Variants in SRGAP2C observed in about 807,000 individuals in gnomAD.
SRGAP2C encodes SLIT-ROBO Rho GTPase-activating protein 2C.
SRGAP2C carries 15 observed loss-of-function variants against 25.1 expected under a neutral mutation model. The ratio of observed to expected loss-of-function variants is 0.60; its 90% CI spans 0.40 to 0.92. SRGAP2C has a LOEUF of 0.92. Among genes scored for constraint, SRGAP2C ranks in the 40% least tolerant of loss-of-function variants. The pLI, the probability that SRGAP2C is intolerant of heterozygous loss-of-function variation, is 0.00. For synonymous variants in SRGAP2C, 44 were observed against 96.6 expected (o/e 0.46, Z 3.19); for missense variants, 144 against 264.4 (o/e 0.54, Z 3.16).
chr1:121,207,860 T>C (rs1364637129), intron 2 of SRGAP2C, among the ~76,000 whole-genome samples: 3 of 152,240 alleles, frequency 2.0e-5, no homozygotes, highest in East Asian at 3.9e-4. Flanking sequence ...TCCTCCTTTA[T>C]AAATTCTTTC....
chr1:121,222,747 C>CA (rs1326708864), intron 2 of SRGAP2C, among the ~76,000 whole-genome samples: 2 of 152,314 alleles, frequency 1.3e-5, no homozygotes, highest in East Asian at 3.9e-4. Flanking sequence ...CACCTACCAT[C>CA]AGACGGGAGT....
intron 2 of SRGAP2C, among the ~76,000 whole-genome samples, chr1:121,274,122 T>C (rs1439841794): frequency 6.7e-6 from 1 of 148,246 alleles, no homozygotes; most frequent in African/African-American, 2.5e-5. Context: ...TCCATAGTTA[T>C]TGACACTTTT....
chr1:121,383,088 G>A (rs1300715656), intron 8 of SRGAP2C, among the ~76,000 whole-genome samples, 163 bp downstream of exon 8: 1 of 146,854 alleles, frequency 6.8e-6, no homozygotes, highest in Non-Finnish European at 1.5e-5. Context: ...GTTAGTGAGT[G>A]CCTGCTGTCA....
intron 3 of SRGAP2C, among the ~76,000 whole-genome samples, chr1:121,306,191 G>T (rs1657832842): frequency 6.8e-6 from 1 of 147,566 alleles, no homozygotes; most frequent in Non-Finnish European, 1.5e-5. Flanking sequence ...ATCACTGGGG[G>T]GTGCACAATT....
chr1:121,202,420 C>T (rs1655007050), intron 2 of SRGAP2C, among the ~76,000 whole-genome samples: 1 of 146,742 alleles, frequency 6.8e-6, no homozygotes, highest in Non-Finnish European at 1.5e-5. Flanking sequence ...TTAGCACCTA[C>T]TGTATGTTGT....
At chr1:121,335,027 T>TCACACCTGTAATCC (rs1451602637) in intron 4 of SRGAP2C, among the ~76,000 whole-genome samples, 1 of 138,408 alleles carries the variant, frequency 7.2e-6, no homozygotes, top group Admixed American at 7.5e-5. Flanking sequence ...GCATGGTGGC[T>TCACACCTGTAATCC]CACACCTGTA....
chr1:121,224,684 C>T (rs2101455463), intron 2 of SRGAP2C, among the ~76,000 whole-genome samples: 1 of 139,858 alleles, frequency 7.2e-6, no homozygotes, highest in South Asian at 2.4e-4. Context: ...CCAGCTACTC[C>T]TGTGTCACTC....
chr1:121,202,048 C>A (rs1654997000), intron 2 of SRGAP2C, among the ~76,000 whole-genome samples: 1 of 152,188 alleles, frequency 6.6e-6, no homozygotes. Flanking sequence ...GTCAGCTAAC[C>A]TTTAAAATCC....
At chr1:121,236,541 C>A (rs1487528352) in intron 2 of SRGAP2C, among the ~76,000 whole-genome samples, 2 of 152,010 alleles carry the variant, frequency 1.3e-5, no homozygotes, top group East Asian at 3.9e-4. Context: ...TCCTTTGGGC[C>A]CTGTGTTCTA....
At chr1:121,254,074 A>T (rs1268985633) in intron 2 of SRGAP2C, among the ~76,000 whole-genome samples, 2 of 147,732 alleles carry the variant, frequency 1.4e-5, no homozygotes, top group Non-Finnish European at 3.0e-5. Context: ...CACCATGCCC[A>T]GCTAATTTTT....
At chr1:121,211,415 A>T (rs587756128) in intron 2 of SRGAP2C, among the ~76,000 whole-genome samples, 1 of 115,050 alleles carries the variant, frequency 8.7e-6, no homozygotes, top group South Asian at 2.9e-4. Flanking sequence ...ATATATACAC[A>T]TACACACACA....
intron 2 of SRGAP2C, among the ~76,000 whole-genome samples, chr1:121,283,353 CA>C (rs1657291783): frequency 6.9e-6 from 1 of 145,392 alleles, no homozygotes; most frequent in Admixed American, 7.0e-5. Context: ...AAAACAGAAA[CA>C]AAAATGTAGA....
chr1:121,291,087 G>A (rs1553337559), intron 3 of SRGAP2C, among the ~76,000 whole-genome samples: 2 of 137,112 alleles, frequency 1.5e-5, no homozygotes, highest in Non-Finnish European at 3.2e-5. Flanking sequence ...AAGGTTTTGG[G>A]GTAATCTACA....
intron 2 of SRGAP2C, among the ~76,000 whole-genome samples, chr1:121,195,783 C>T (rs1322938701): frequency 6.8e-6 from 1 of 147,048 alleles, no homozygotes; most frequent in Non-Finnish European, 1.5e-5. Flanking sequence ...TTACCACTTA[C>T]TAAGCATTAT....
rs587595418 is a variant in SRGAP2C, at chr1:121,375,811, A to C, written c.831+857A>C. On this transcript the variant is annotated intron_variant, in intron 7 of 9. Transcript: ENST00000367123. The stretch of plus-strand genomic sequence containing the variant: ...GTAAGCATTGCTGTCTCCAGTTGCT[A>C]GATAAGGAAGCTCAAGGTCCAGAGG... Among the ~76,000 whole-genome samples, 25 of 152,014 alleles carry C rather than the reference A, an allele frequency of 1.6e-4. No homozygotes were observed. In the South Asian group the frequency reaches 3.4e-3, roughly 20 times the overall value.
At chr1:121,211,364 G>C (rs1655247904) in intron 2 of SRGAP2C, among the ~76,000 whole-genome samples, 1 of 147,320 alleles carries the variant, frequency 6.8e-6, no homozygotes, top group African/African-American at 2.5e-5. Flanking sequence ...ACAACAGGCA[G>C]TTGCAGCAGT....
At chr1:121,272,824 C>A (rs1553335492) in intron 2 of SRGAP2C, among the ~76,000 whole-genome samples, 3 of 151,784 alleles carry the variant, frequency 2.0e-5, no homozygotes, top group Admixed American at 1.3e-4. Context: ...CCTCAGTGGT[C>A]CCTCTTTGTG....
chr1:121,291,131 G>T (rs1245217074), intron 3 of SRGAP2C, among the ~76,000 whole-genome samples: 7 of 131,404 alleles, frequency 5.3e-5, no homozygotes, highest in South Asian at 4.7e-4. Context: ...AAAAGTGGGG[G>T]GAGTGGAAAG....
chr1:121,370,410 A>T, intron 5 of SRGAP2C, among the ~76,000 whole-genome samples: 1 of 138,946 alleles, frequency 7.2e-6, no homozygotes, highest in South Asian at 2.4e-4. Context: ...GGGAGAGGGG[A>T]TCTTGGGGCC....
Sources: gnomAD v4.1 joint callset for allele counts (sites outside exome capture counted in the v4.1 genomes callset) on GRCh38, gnomAD v4.1.1 for gene constraint, MANE v1.5 for transcripts, NCBI Gene and HGNC (gene_info 2026-07-23, HGNC 2026-07-21) for gene names.